MAGI1: variants seen among roughly 807,000 people sequenced by gnomAD.
The protein encoded by MAGI1 is membrane-associated guanylate kinase, WW and PDZ domain-containing protein 1.
A neutral mutation model predicts 139.9 loss-of-function variants in MAGI1; 58 were observed. The ratio of observed to expected loss-of-function variants is 0.41; its 90% CI spans 0.34 to 0.52. The LOEUF (loss-of-function observed/expected upper bound fraction) is 0.52. Among genes scored for constraint, MAGI1 ranks in the 20% least tolerant of loss-of-function variants. MAGI1 has a pLI of 0.12. For synonymous variants in MAGI1, 812 were observed against 737.9 expected, an observed-to-expected ratio of 1.10 and a Z score of -1.63; for missense variants, 1,874 against 1,901.6, an observed-to-expected ratio of 0.99 and a Z score of 0.27.
Position 65,661,515 on chromosome 3 carries a change from G to A in MAGI1, c.314-39427C>T, listed in dbSNP as rs1408349673. On this transcript the variant is annotated intron_variant, in intron 1 of 22. Transcript: ENST00000402939. ...TGTATGGTTAAAGTCTGAGACTATC[G>A]TCAAGATGTTTGCATTGGAATCCTG... Among the ~76,000 whole-genome samples, 10 of 152,050 alleles carry A rather than the reference G, an allele frequency of 6.6e-5. No homozygotes were observed. In the South Asian group the frequency reaches 8.3e-4, roughly 13 times the overall value.
chr3:65,662,836 G>C (rs540105254), intron 1 of MAGI1, among the ~76,000 whole-genome samples: 1 of 152,190 alleles, frequency 6.6e-6, no homozygotes, highest in South Asian at 2.1e-4. Context: ...TACACATTAT[G>C]ACCTACATCT....
chr3:65,868,975 C>T (rs2372154), intron 1 of MAGI1, among the ~76,000 whole-genome samples: 40,532 of 151,812 alleles, frequency 0.27, 5,898 homozygotes, highest in South Asian at 0.38. Flanking sequence ...TCTAACATAC[C>T]TCATAATTAC....
intron 1 of MAGI1, among the ~76,000 whole-genome samples, chr3:65,765,191 G>A (rs902348606): frequency 6.6e-6 from 1 of 152,130 alleles, no homozygotes; most frequent in African/African-American, 2.4e-5. Context: ...TATAACATAT[G>A]TGATCAACTG....
chr3:65,632,727 T>C (rs913796525), intron 1 of MAGI1, among the ~76,000 whole-genome samples: 1 of 152,188 alleles, frequency 6.6e-6, no homozygotes, highest in Non-Finnish European at 1.5e-5. Flanking sequence ...AAGATGTACA[T>C]GAAGTTGTTT....
intron 5 of MAGI1, among the ~76,000 whole-genome samples, chr3:65,454,774 A>G (rs1317396779): frequency 1.3e-5 from 2 of 151,508 alleles, no homozygotes; most frequent in East Asian, 3.9e-4. Context: ...GCGAATGTAT[A>G]CACGTCATAT....
chr3:65,758,248 C>G (rs1277010821), intron 1 of MAGI1, among the ~76,000 whole-genome samples: 1 of 152,118 alleles, frequency 6.6e-6, no homozygotes, highest in Non-Finnish European at 1.5e-5. Flanking sequence ...AGCGGAGCAT[C>G]TGGGGAGAGA....
chr3:65,591,335 C>G (rs1426810541), intron 2 of MAGI1, among the ~76,000 whole-genome samples: 1 of 152,098 alleles, frequency 6.6e-6, no homozygotes, highest in Non-Finnish European at 1.5e-5. Flanking sequence ...TGGAGTCATT[C>G]TCAATTCCTC....
intron 2 of MAGI1, among the ~76,000 whole-genome samples, chr3:65,548,062 T>A (rs1392355529): frequency 2.0e-5 from 3 of 152,182 alleles, no homozygotes; most frequent in Non-Finnish European, 4.4e-5. Context: ...CCTGCAACCC[T>A]GCGGCAATAA....
rs148297545 is a variant in MAGI1 at position 65,517,959 on chromosome 3, T to C, written c.431-24328A>G. ...TGGATCCCAAATGATATACTTAATA[T>C]GTAATAACTTTAGATTTTTAAACAA... On this transcript the variant is annotated intron_variant, in intron 2 of 22. Coordinates refer to ENST00000402939, the MANE Select transcript of MAGI1 (RefSeq NM_001033057.2). 1.2e-4 allele frequency among the ~76,000 whole-genome samples: 19 copies of C among 152,328 alleles called. 1 individual carries two copies. Among genetic ancestry groups the C allele is most frequent in the African/African-American group, 4.3e-4 (18 of 41,580 alleles).
chr3:65,924,717 C>G (rs959862534), intron 1 of MAGI1, among the ~76,000 whole-genome samples: 1 of 152,196 alleles, frequency 6.6e-6, no homozygotes, highest in Non-Finnish European at 1.5e-5. Context: ...ACATCCCACA[C>G]TGCCCCTCGC....
chr3:65,916,237 T>G (rs2061899203), intron 1 of MAGI1, among the ~76,000 whole-genome samples: 1 of 152,030 alleles, frequency 6.6e-6, no homozygotes, highest in Non-Finnish European at 1.5e-5. Flanking sequence ...CAACCAGTTT[T>G]TTTGTATTTT....
chr3:65,904,650 C>T (rs965551517), intron 1 of MAGI1, among the ~76,000 whole-genome samples: 1 of 152,188 alleles, frequency 6.6e-6, no homozygotes, highest in Admixed American at 6.5e-5. Context: ...CTTTCTCATT[C>T]TCCAGGTCTT....
intron 1 of MAGI1, among the ~76,000 whole-genome samples, chr3:65,967,449 C>T (rs1035579352): frequency 2.6e-5 from 4 of 152,214 alleles, no homozygotes; most frequent in South Asian, 4.2e-4. Context: ...TTCCCCACCC[C>T]GACCTGCCTC....
At chr3:65,680,144 C>T (rs1213241148) in intron 1 of MAGI1, among the ~76,000 whole-genome samples, 1 of 152,130 alleles carries the variant, frequency 6.6e-6, no homozygotes, top group Non-Finnish European at 1.5e-5. Flanking sequence ...TTCCTTTGTA[C>T]ATTTTCTATT....
intron 1 of MAGI1, among the ~76,000 whole-genome samples, chr3:65,639,781 T>A (rs558225736): frequency 6.6e-6 from 1 of 152,152 alleles, no homozygotes; most frequent in Non-Finnish European, 1.5e-5. Flanking sequence ...GGTGGGCAGA[T>A]CACCTGAGGT....
chr3:65,856,788 A>G (rs1465632899), intron 1 of MAGI1, among the ~76,000 whole-genome samples: 1 of 152,104 alleles, frequency 6.6e-6, no homozygotes. Flanking sequence ...CAAAACTACA[A>G]CGGTCTCTTG....
intron 12 of MAGI1, among the ~76,000 whole-genome samples, chr3:65,403,977 A>C (rs137921293): frequency 1.5e-4 from 23 of 152,344 alleles, no homozygotes; most frequent in East Asian, 1.2e-3. Context: ...ATAGTCTTTA[A>C]AACATAATGT....
intron 2 of MAGI1, among the ~76,000 whole-genome samples, chr3:65,551,234 C>T (rs896535509): frequency 6.6e-6 from 1 of 152,150 alleles, no homozygotes; most frequent in African/African-American, 2.4e-5. Context: ...CCCCTTCTGC[C>T]GTGATTCTAA....
Position 65,449,177 on chromosome 3 carries a change from G to C in MAGI1, c.1043-1120C>G, listed in dbSNP as rs143735632. 9.0e-3 allele frequency among the ~76,000 whole-genome samples: 1,362 copies of C among 151,798 alleles called. 16 individuals are homozygous for C. Among genetic ancestry groups the C allele is most frequent in the African/African-American group, 0.03 (1,237 of 41,362 alleles). On this transcript the variant is annotated intron_variant, in intron 6 of 22. Coordinates refer to ENST00000402939, the MANE Select transcript of MAGI1 (RefSeq NM_001033057.2). Reference sequence around the variant, plus strand: ...ATTAGGAGAAATACCTAATGTAAATGACGAGTTAATGGATGCAGCACACCA... The same window carrying C: ...ATTAGGAGAAATACCTAATGTAAATCACGAGTTAATGGATGCAGCACACCA...
Sources: gnomAD v4.1 joint callset for allele counts (sites outside exome capture counted in the v4.1 genomes callset) on GRCh38, gnomAD v4.1.1 for gene constraint, MANE v1.5 for transcripts, NCBI Gene and HGNC (gene_info 2026-07-23, HGNC 2026-07-21) for gene names.